NRXN1: variants seen among roughly 807,000 people sequenced by gnomAD.
The protein encoded by NRXN1 is neurexin 1, also known as neurexin-1.
NRXN1 carries 39 observed loss-of-function variants against 150.9 expected under a neutral mutation model. The observed-to-expected ratio is 0.26, with a 90% confidence interval of 0.20 to 0.34. The LOEUF is 0.34. Among genes scored for constraint, NRXN1 ranks in the 10% least tolerant of loss-of-function variants. The pLI is 1.00. For missense variants in NRXN1, 1,815 were observed against 1,949.9 expected, an observed-to-expected ratio of 0.93 and a Z score of 1.30; for synonymous variants, 924 against 757.0, an observed-to-expected ratio of 1.22 and a Z score of -3.62.
chr2:50,940,324 A>C (rs1232359522), intron 2 of NRXN1, among the ~76,000 whole-genome samples: 1 of 151,974 alleles, frequency 6.6e-6, no homozygotes, highest in Non-Finnish European at 1.5e-5. Context: ...AAAATACAAA[A>C]ATTAGCTGGG....
intron 2 of NRXN1, among the ~76,000 whole-genome samples, chr2:50,939,672 C>G (rs1689108299): frequency 6.6e-6 from 1 of 152,132 alleles, no homozygotes; most frequent in Non-Finnish European, 1.5e-5. Context: ...TTAAACTAGT[C>G]ACCATGGTAC....
At chr2:50,203,596 T>C (rs928938476) in intron 18 of NRXN1, among the ~76,000 whole-genome samples, 1 of 152,138 alleles carries the variant, frequency 6.6e-6, no homozygotes, top group African/African-American at 2.4e-5. Flanking sequence ...CTAGACATCA[T>C]GAAGATTCCA....
chr2:51,010,658 C>T (rs1309169859), intron 2 of NRXN1, among the ~76,000 whole-genome samples: 1 of 152,036 alleles, frequency 6.6e-6, no homozygotes, highest in Non-Finnish European at 1.5e-5. Flanking sequence ...TACACATTTA[C>T]ATTTTCATAG....
chr2:50,815,661 T>C (rs1309438270), intron 5 of NRXN1, among the ~76,000 whole-genome samples: 1 of 152,178 alleles, frequency 6.6e-6, no homozygotes, highest in Admixed American at 6.5e-5. Flanking sequence ...TGGTCAGGAC[T>C]ATTTAAAAAC....
intron 5 of NRXN1, among the ~76,000 whole-genome samples, chr2:50,687,822 CG>C (rs930610363): frequency 1.3e-5 from 2 of 152,098 alleles, no homozygotes; most frequent in African/African-American, 4.8e-5. Context: ...TTGACAAACA[CG>C]GGCAAGAGAA....
At chr2:50,150,141 T>C (rs2058611690) in intron 18 of NRXN1, among the ~76,000 whole-genome samples, 2 of 151,778 alleles carry the variant, frequency 1.3e-5, no homozygotes, top group Non-Finnish European at 2.9e-5. Flanking sequence ...ACTTGATCAC[T>C]TTGAGGAGAT....
chr2:50,726,675 T>C (rs550227508), intron 5 of NRXN1, among the ~76,000 whole-genome samples: 75 of 152,310 alleles, frequency 4.9e-4, no homozygotes, highest in African/African-American at 1.7e-3. Context: ...TCTAGTTAAA[T>C]AATGACAGAA....
intron 17 of NRXN1, among the ~76,000 whole-genome samples, chr2:50,429,549 G>A (rs559661256): frequency 2.4e-4 from 36 of 151,470 alleles, no homozygotes; most frequent in African/African-American, 8.0e-4. Context: ...AAGCCAGTGC[G>A]CCAGCCAATA....
chr2:50,888,103 T>C (rs1266590582), intron 5 of NRXN1, among the ~76,000 whole-genome samples: 1 of 151,538 alleles, frequency 6.6e-6, no homozygotes, highest in East Asian at 1.9e-4. Flanking sequence ...CAGTACAGTG[T>C]CACAGCTGAC....
At chr2:50,256,697 G>C (rs2067729758) in intron 17 of NRXN1, among the ~76,000 whole-genome samples, 1 of 152,096 alleles carries the variant, frequency 6.6e-6, no homozygotes, top group South Asian at 2.1e-4. Flanking sequence ...ACTGCGTAGA[G>C]CCTACATTTC....
chr2:50,088,167 C>G (rs973191552), intron 19 of NRXN1, among the ~76,000 whole-genome samples: 3 of 152,104 alleles, frequency 2.0e-5, no homozygotes, highest in African/African-American at 7.2e-5. Flanking sequence ...TGCTACTGAA[C>G]TCGTATTTAC....
intron 2 of NRXN1, among the ~76,000 whole-genome samples, chr2:51,024,088 C>G (rs1166490904): frequency 6.6e-6 from 1 of 152,146 alleles, no homozygotes; most frequent in African/African-American, 2.4e-5. Flanking sequence ...TGTTTTTAAA[C>G]TGGATAGCTA....
chr2:50,230,821 C>T (rs2064871282), intron 18 of NRXN1, among the ~76,000 whole-genome samples: 2 of 151,964 alleles, frequency 1.3e-5, no homozygotes, highest in South Asian at 4.1e-4. Context: ...ATTCATTTAC[C>T]TCTCCTACCT....
chr2:50,606,436 C>A (rs1677132297), intron 8 of NRXN1, among the ~76,000 whole-genome samples: 1 of 151,484 alleles, frequency 6.6e-6, no homozygotes, highest in African/African-American at 2.4e-5. Flanking sequence ...TTGCCAGGGC[C>A]TGGGGCAAGG....
At chr2:50,443,676 G>A (rs946504395) in intron 17 of NRXN1, among the ~76,000 whole-genome samples, 1 of 152,084 alleles carries the variant, frequency 6.6e-6, no homozygotes, top group Non-Finnish European at 1.5e-5. Context: ...CCTTTAGAAT[G>A]ACCAGTGAAT....
chr2:50,353,719 G>A (rs533933591), intron 17 of NRXN1, among the ~76,000 whole-genome samples: 9 of 152,132 alleles, frequency 5.9e-5, no homozygotes, highest in Admixed American at 1.3e-4. Context: ...AATGAGCTGC[G>A]ATGTGGTTTT....
rs183141704 is a variant in NRXN1 at position 50,747,828 on chromosome 2, G to C, written c.833-124213C>G. On this transcript the variant is annotated intron_variant, in intron 5 of 22. Coordinates refer to ENST00000401669, the MANE Select transcript of NRXN1 (RefSeq NM_001330078.2). Reference sequence around the variant, plus strand: ...CAGGAAAATTGCTGGCAACATTTTAGAGATGAAGATACTGAAGCACACTGT... The same window carrying C: ...CAGGAAAATTGCTGGCAACATTTTACAGATGAAGATACTGAAGCACACTGT... Among the ~76,000 whole-genome samples the C allele has an allele frequency of 1.4e-3, 214 of 152,168 alleles. 1 individual carries two copies. Among genetic ancestry groups the C allele is most frequent in the African/African-American group, 4.9e-3 (204 of 41,540 alleles).
At chr2:50,559,202 A>C (rs57397306) in intron 8 of NRXN1, among the ~76,000 whole-genome samples, 29,679 of 152,174 alleles carry the variant, frequency 0.2, 3,034 homozygotes, top group East Asian at 0.37. Flanking sequence ...ATATCAGTGC[A>C]CTGTGTCAAA....
At chr2:50,219,933 ATATTATATATTAT>A (rs1559115059) in intron 18 of NRXN1, among the ~76,000 whole-genome samples, 2 of 96,700 alleles carry the variant, frequency 2.1e-5, no homozygotes, top group East Asian at 2.6e-4. Context: ...TATATTATAT[ATATTATATATTAT>A]ATATATAATA....
Sources: allele counts gnomAD v4.1 joint callset (sites outside exome capture counted in the v4.1 genomes callset), GRCh38; gene constraint gnomAD v4.1.1; transcripts MANE v1.5; gene names NCBI Gene and HGNC (gene_info 2026-07-23, HGNC 2026-07-21).